DNMT3A: variants seen among roughly 807,000 people sequenced by gnomAD.
DNMT3A encodes the protein DNA (cytosine-5)-methyltransferase 3A.
Under a neutral mutation model 117.6 loss-of-function variants are expected in DNMT3A, and 267 were observed. The observed-to-expected ratio is 2.27, with a 90% CI of 2.05 to 2.51. The LOEUF (loss-of-function observed/expected upper bound fraction) is 2.51, where lower values mean the gene tolerates loss of function less well. DNMT3A is among the 30% of genes most tolerant of loss of function. The pLI, the probability that DNMT3A is intolerant of heterozygous loss-of-function variation, is 0.00. For missense variants in DNMT3A, 1,029 were observed against 1,260.2 expected (o/e 0.82, Z 2.78); for synonymous variants, 432 against 474.8 (o/e 0.91, Z 1.17).
intron 3 of DNMT3A, among the ~76,000 whole-genome samples, chr2:25,289,032 C>A (rs1284176610): frequency 1.3e-5 from 2 of 152,164 alleles, no homozygotes; most frequent in Non-Finnish European, 2.9e-5. Context: ...AATCTCCTTA[C>A]AATTCATACC....
At chr2:25,251,176 C>A in intron 6 of DNMT3A, among the ~76,000 whole-genome samples, 1 of 92,548 alleles carries the variant, frequency 1.1e-5, no homozygotes, top group Non-Finnish European at 2.2e-5. Context: ...GGGTGAGCAG[C>A]AGGGGGCCTG....
At chr2:25,291,608 G>A (rs1053724937) in intron 3 of DNMT3A, among the ~76,000 whole-genome samples, 16 of 152,362 alleles carry the variant, frequency 1.1e-4, no homozygotes, top group East Asian at 1.9e-4. Flanking sequence ...ACAGAGGGCC[G>A]ACTCTGGAAA....
At chr2:25,291,678 G>A (rs1050956070) in intron 3 of DNMT3A, among the ~76,000 whole-genome samples, 1 of 152,212 alleles carries the variant, frequency 6.6e-6, no homozygotes, top group African/African-American at 2.4e-5. Flanking sequence ...CACATCTGCT[G>A]GGAGCTGCCT....
Position 25,247,998 on chromosome 2 carries a change from CGGA to C in DNMT3A, c.855+36_855+38del, listed in dbSNP as rs772434149. The C allele has an allele frequency of 6.2e-7, 1 of 1,610,898 alleles. No homozygotes were observed. The highest frequency in any genetic ancestry group is 8.5e-7 in the Non-Finnish European group (1 of 1,179,554). On this transcript the variant is annotated intron_variant, in intron 7 of 22. Transcript: ENST00000321117. This position sits in a 1 kb window ranked among gnomAD's most constrained non-coding sequence, Gnocchi z 5.6. ...GGAGGAGCTGGCAGTGGAAGGCCCC[CGGA>C]AAGAGCTGGCCACGGCTGGTGAAGA...
rs571674991 is a variant in DNMT3A at position 25,235,858 on chromosome 2, G to A, written c.2479-33C>T. 2.1e-5 allele frequency: 33 copies of A among 1,577,618 alleles called. No individual in the cohort carries two copies. In the East Asian group the frequency reaches 5.6e-4, roughly 27 times the overall value. On this transcript the variant is annotated intron_variant, in intron 21 of 22. Transcript: ENST00000321117. ...AAGAGGAGAAAAGAGGAATAAGCAC[G>A]AATTCATTCACCAGCCAACACTGGT...
intron 6 of DNMT3A, among the ~76,000 whole-genome samples, chr2:25,250,399 C>T (rs1402023472): frequency 6.6e-6 from 1 of 152,192 alleles, no homozygotes; most frequent in Non-Finnish European, 1.5e-5. Context: ...GCATCCTTTG[C>T]CCCCAACCCC....
intron 2 of DNMT3A, among the ~76,000 whole-genome samples, chr2:25,312,416 G>A (rs1413720503): frequency 6.6e-6 from 1 of 152,242 alleles, no homozygotes; most frequent in African/African-American, 2.4e-5. Flanking sequence ...CTGGCTTTCT[G>A]ACCTGCTCTG....
intron 6 of DNMT3A, among the ~76,000 whole-genome samples, chr2:25,271,305 C>A (rs2030883218): frequency 6.6e-6 from 1 of 152,134 alleles, no homozygotes; most frequent in Non-Finnish European, 1.5e-5. Context: ...CATTGCACTC[C>A]AGCCTTTGCA....
Position 25,246,962 on chromosome 2 carries a change from C to G in DNMT3A, c.1122+89G>C, listed in dbSNP as rs927266493. The G allele has an allele frequency of 6.0e-6, 9 of 1,506,368 alleles. No individual in the cohort carries two copies. In the African/African-American group the frequency reaches 1.1e-4, roughly 19 times the overall value. 93.3% of individuals were successfully genotyped at this position (1,506,368 alleles called of 1,614,324 possible). A position where few individuals can be genotyped will look rare whatever the true frequency, so the allele number is the denominator to read the frequency against. ...AAAGGAGTCGCTGCCTCCTGGGCCT[C>G]CGTTCTGCTCAAGCCCGACCTGCAC... On this transcript the variant is annotated intron_variant, in intron 9 of 22. Transcript: ENST00000321117.
In DNMT3A at chr2:25,247,666, C is replaced by T. The variant is rs770813937; in HGVS notation, c.939G>A (p.Trp313Ter). ...CTGCTCGGCTCCGGCCCGTCATCCA[C>T]CAAGACACAATGCGGCCTGGCCACC... ...FSWWPGRIVS[W>*]WMTGRSRAAE... Residue 313 changes from tryptophan (W) to a stop codon, truncating the protein, a stop_gained, in exon 8 of 23, where the codon TGG (tryptophan) becomes TGA (stop). Transcript: ENST00000321117. LOFTEE classifies it high-confidence loss of function. The surrounding 1 kb of genome is among the most constrained non-coding windows in gnomAD (Gnocchi z 5.6). 9.9e-6 allele frequency: 16 copies of T among 1,613,866 alleles called. No individual in the cohort carries two copies. The highest frequency in any genetic ancestry group is 2.2e-5 in the East Asian group (1 of 44,898).
Position 25,298,987 on chromosome 2 carries a change from C to A in DNMT3A, c.177+1152G>T, listed in dbSNP as rs2033261691. Reference sequence around the variant, plus strand: ...TTCACTTCAGTCACCTTCAACCCGGCTCTCTACCCAAAGGGAGCAAGTCCT... The same window carrying A: ...TTCACTTCAGTCACCTTCAACCCGGATCTCTACCCAAAGGGAGCAAGTCCT... On this transcript the variant is annotated intron_variant, in intron 3 of 22. Coordinates refer to ENST00000321117, the MANE Select transcript of DNMT3A (RefSeq NM_022552.5). The surrounding 1 kb of genome is among the most constrained non-coding windows in gnomAD (Gnocchi z 4.3). 6.6e-6 allele frequency among the ~76,000 whole-genome samples: 1 copy of A among 150,942 alleles called. No individual in the cohort carries two copies. The highest frequency in any genetic ancestry group is 2.1e-4 in the South Asian group (1 of 4,732).
At position 25,305,958 on chromosome 2, in the gene DNMT3A, G is replaced by A. The variant is rs969184717; in HGVS notation, c.73-5715C>T. Reference sequence around the variant, plus strand: ...GTCTCGAGTTGGTGCTTGAGTCGAGGGGATGAACTTGCCGGATCTAGCCAG... The same window carrying A: ...GTCTCGAGTTGGTGCTTGAGTCGAGAGGATGAACTTGCCGGATCTAGCCAG... On this transcript the variant is annotated intron_variant, in intron 2 of 22. Transcript: ENST00000321117. The surrounding 1 kb of genome is among the most constrained non-coding windows in gnomAD (Gnocchi z 4.1). 6.6e-6 allele frequency among the ~76,000 whole-genome samples: 1 copy of A among 152,198 alleles called. No individual in the cohort carries two copies. Among genetic ancestry groups the A allele is most frequent in the Non-Finnish European group, 1.5e-5 (1 of 68,022 alleles).
At position 25,246,029 on chromosome 2, in the gene DNMT3A, T is replaced by TC; in HGVS notation, c.1464dup (p.Asn489GlufsTer3). 1 of 1,614,024 alleles carries TC rather than the reference T, an allele frequency of 6.2e-7. No individual in the cohort carries two copies. The highest frequency in any genetic ancestry group is 8.5e-7 in the Non-Finnish European group (1 of 1,179,920). On this transcript the variant is annotated frameshift_variant, in exon 12 of 23. Transcript: ENST00000321117. LOFTEE classifies it high-confidence loss of function. ...CAGGCAACAAACTTACCCTCAATGTTCCGGCACTTCTGCCGCACCTCGTAC... is the reference window on the plus strand; with the variant it reads ...CAGGCAACAAACTTACCCTCAATGTTCCCGGCACTTCTGCCGCACCTCGTAC...
In DNMT3A at chr2:25,282,713, T is replaced by C; in HGVS notation, c.178-2A>G. On this transcript the variant is annotated splice_acceptor_variant, in intron 3 of 22. Coordinates refer to ENST00000321117, the MANE Select transcript of DNMT3A (RefSeq NM_022552.5). LOFTEE classifies it high-confidence loss of function. The surrounding 1 kb of genome is among the most constrained non-coding windows in gnomAD (Gnocchi z 5.2). ...CTTTGGCGTGTCACCGCTTTCCACC[T>C]GCAAATGTAAGAAAGATACACAAGA... 1 of 1,521,104 alleles carries C rather than the reference T, an allele frequency of 6.6e-7. No homozygotes were observed. The highest frequency in any genetic ancestry group is 8.8e-7 in the Non-Finnish European group (1 of 1,133,676). The allele number at this position is 1,521,104 out of a possible 1,614,324, so 94.2% of individuals were successfully genotyped here.
chr2:25,238,146 G>C (rs539833475), intron 20 of DNMT3A, among the ~76,000 whole-genome samples: 6 of 152,240 alleles, frequency 3.9e-5, no homozygotes, highest in African/African-American at 1.4e-4. Flanking sequence ...ACACTGAGTG[G>C]TTCCATGAAA....
chr2:25,248,091 G>C lies in DNMT3A; in HGVS notation c.801C>G (p.Ser267=), dbSNP rs116609083. 2.5e-6 allele frequency: 4 copies of C among 1,613,118 alleles called. No individual in the cohort carries two copies. The highest frequency in any genetic ancestry group is 3.4e-6 in the Non-Finnish European group (4 of 1,179,980). ...TVATTPEPVG[S]DAGDKNATKA... ...TGGTGGCATTCTTGTCCCCAGCATC[G>C]GACCCCACGGGCTCAGGCGTGGTAG... The change falls in exon 7 of 23, where the codon TCC becomes TCG. Residue 267 remains serine (S), a synonymous_variant. Coordinates refer to ENST00000321117, the MANE Select transcript of DNMT3A (RefSeq NM_022552.5).
chr2:25,255,800 T>C (rs1573366219), intron 6 of DNMT3A, among the ~76,000 whole-genome samples: 1 of 152,194 alleles, frequency 6.6e-6, no homozygotes, highest in East Asian at 1.9e-4. Context: ...CCTGGGTCAT[T>C]GAAGAGTCAT....
At chr2:25,314,286 CA>C in intron 1 of DNMT3A, 125 bp from the exon 2 acceptor site, 1 of 1,234,640 alleles carries the variant, frequency 8.1e-7, no homozygotes, top group Non-Finnish European at 1.0e-6. Context: ...GCCTCACCAG[CA>C]CCCCAGAGAG....
intron 2 of DNMT3A, among the ~76,000 whole-genome samples, chr2:25,300,719 A>T (rs1373482353): frequency 1.5e-4 from 1 of 6,708 alleles, no homozygotes; most frequent in African/African-American, 5.2e-4. Context: ...TATAATATAT[A>T]TATATATATA....
Sources: gnomAD v4.1 joint callset for allele counts (sites outside exome capture counted in the v4.1 genomes callset) on GRCh38, gnomAD v4.1.1 for gene constraint, Gnocchi (gnomAD v3.1) non-coding constraint, MANE v1.5 for transcripts, NCBI Gene and HGNC (gene_info 2026-07-23, HGNC 2026-07-21) for gene names.